ST8SIA3: variants seen among roughly 807,000 people sequenced by gnomAD.
ST8SIA3 encodes the protein ST8 alpha-N-acetyl-neuraminide alpha-2,8-sialyltransferase 3, also known as alpha-N-acetylneuraminate alpha-2,8-sialyltransferase ST8SIA3.
A neutral mutation model predicts 34.5 loss-of-function variants in ST8SIA3; 17 were observed. The observed-to-expected ratio is 0.49, with a 90% CI of 0.34 to 0.74. The LOEUF (loss-of-function observed/expected upper bound fraction) is 0.74. Among genes scored for constraint, ST8SIA3 ranks in the 30% least tolerant of loss-of-function variants. The pLI, the probability that ST8SIA3 is intolerant of heterozygous loss-of-function variation, is 0.01. For missense variants in ST8SIA3, 354 were observed against 467.8 expected, an observed-to-expected ratio of 0.76 and a Z score of 2.24; for synonymous variants, 172 against 176.1, an observed-to-expected ratio of 0.98 and a Z score of 0.19.
intron 1 of ST8SIA3, among the ~76,000 whole-genome samples, chr18:57,353,295 G>A (rs1268201932): frequency 6.6e-6 from 1 of 152,134 alleles, no homozygotes; most frequent in Non-Finnish European, 1.5e-5. Context: ...TCAGAAATGG[G>A]GGTTGGGGGA....
Position 57,365,938 on chromosome 18 carries a change from T to C in ST8SIA3, c.*5661T>C, listed in dbSNP as rs2049858133. 6.6e-6 allele frequency: 1 copy of C among 152,248 alleles called. No homozygotes were observed. The highest frequency in any genetic ancestry group is 1.5e-5 in the Non-Finnish European group (1 of 68,040). 9.4% of individuals were successfully genotyped at this position (152,248 alleles called of 1,614,324 possible). A position where few individuals can be genotyped will look rare whatever the true frequency, so the allele number is the denominator to read the frequency against. ...CTCAGACAGTTTTAGCTCTTTGGTG[T>C]GCTGCCAAATGTTTAACAACTGGCT... On this transcript the variant is annotated 3_prime_UTR_variant, in exon 4 of 4. Transcript: ENST00000324000.
Position 57,360,429 on chromosome 18 carries a change from A to G in ST8SIA3, c.*152A>G. On this transcript the variant is annotated 3_prime_UTR_variant, in exon 4 of 4. Coordinates refer to ENST00000324000, the MANE Select transcript of ST8SIA3 (RefSeq NM_015879.3). ...TTTTCTCTTTTGCACTGCTCTTTTA[A>G]GAGTTTTAGCAGATTTAGCAGGACA... 1.3e-6 allele frequency: 1 copy of G among 791,902 alleles called. No homozygotes were observed. Among genetic ancestry groups the G allele is most frequent in the Admixed American group, 2.9e-5 (1 of 34,394 alleles). The allele number at this position is 791,902 out of a possible 1,614,324, so 49.1% of individuals were successfully genotyped here.
rs755824462 is a variant in ST8SIA3, at chr18:57,352,807, A to T, written c.-40A>T. 11 of 1,587,598 alleles carry T rather than the reference A, an allele frequency of 6.9e-6. No homozygotes were observed. Among genetic ancestry groups the T allele is most frequent in the Middle Eastern group, 1.7e-4 (1 of 6,002 alleles). On this transcript the variant is annotated 5_prime_UTR_variant, in exon 1 of 4. Transcript: ENST00000324000. The stretch of plus-strand genomic sequence containing the variant: ...CAGCGAGCTGCTGGCCGCTCAATGG[A>T]CCGATTTCCCCGGTTTCCCTGAACC...
In ST8SIA3 at chr18:57,367,585, TAGGGAAGAAAATTGGC is replaced by T. The variant is rs1598906433; in HGVS notation, c.*7320_*7335del. 6.6e-6 allele frequency: 1 copy of T among 152,408 alleles called. No homozygotes were observed. Among genetic ancestry groups the T allele is most frequent in the South Asian group, 2.1e-4 (1 of 4,822 alleles). The allele number at this position is 152,408 out of a possible 1,614,324, so 9.4% of individuals were successfully genotyped here. A position where few individuals can be genotyped will look rare whatever the true frequency, so the allele number is the denominator to read the frequency against. On this transcript the variant is annotated 3_prime_UTR_variant, in exon 4 of 4. Coordinates refer to ENST00000324000, the MANE Select transcript of ST8SIA3 (RefSeq NM_015879.3). ...GCCACTCCCATAGCATTTTTAGTCT[TAGGGAAGAAAATTGGC>T]AGGGAAGAAAAATTGGCAGACAATG...
chr18:57,354,227 T>C (rs1200343413), intron 1 of ST8SIA3, among the ~76,000 whole-genome samples, 175 bp from the exon 2 acceptor site: 1 of 152,172 alleles, frequency 6.6e-6, no homozygotes, highest in Non-Finnish European at 1.5e-5. Context: ...AGTTTTCTTT[T>C]TTTCTCTCGG....
intron 2 of ST8SIA3, 80 bp downstream of exon 2, chr18:57,354,604 C>G: frequency 1.3e-6 from 2 of 1,550,854 alleles, no homozygotes; most frequent in Non-Finnish European, 1.8e-6. Flanking sequence ...AACAAGCAAA[C>G]AAAAACATCT....
intron 2 of ST8SIA3, among the ~76,000 whole-genome samples, chr18:57,356,147 T>C (rs187547311): frequency 5.3e-5 from 8 of 152,328 alleles, no homozygotes; most frequent in African/African-American, 1.9e-4. Context: ...AAGCTCAATA[T>C]GAAAGCAACG....
chr18:57,357,840 C>A (rs979932054), intron 3 of ST8SIA3, among the ~76,000 whole-genome samples: 4 of 152,120 alleles, frequency 2.6e-5, no homozygotes, highest in African/African-American at 9.7e-5. Flanking sequence ...AGAGACAAAT[C>A]AAGTGGTTTT....
chr18:57,353,163 C>G, intron 1 of ST8SIA3, 138 bp downstream of exon 1: 3 of 757,450 alleles, frequency 4.0e-6, no homozygotes, highest in Non-Finnish European at 4.2e-6. Flanking sequence ...TTCCACTCCT[C>G]TCTCTAATTC....
rs201032971 is a variant in ST8SIA3 at position 57,357,044 on chromosome 18, G to T, written c.434G>T (p.Arg145Leu). Residue 145 changes from arginine (R) to leucine (L), a missense_variant, in exon 3 of 4, where the codon CGG becomes CTG. This residue lies in a region of ST8SIA3 where 184 missense variants were observed against 205.4 expected (regional missense o/e 0.90). Coordinates refer to ENST00000324000, the MANE Select transcript of ST8SIA3 (RefSeq NM_015879.3). ...KYVFSISNNF[R>L]SLLPDVSPIM... ...GTTTTCTCTATTAGCAATAACTTCC[G>T]GTCACTTCTTCCAGATGTGTCACCC... The T allele has an allele frequency of 1.2e-6, 2 of 1,613,838 alleles. No homozygotes were observed. The highest frequency in any genetic ancestry group is 1.3e-5 in the African/African-American group (1 of 74,870).
In ST8SIA3 at chr18:57,352,574, C is replaced by A; in HGVS notation, c.-273C>A. Reference sequence around the variant, plus strand: ...TGCGCGCTCCTTCGCCACGCCGCCGCGCAGCCCCTCCATCTTCCTGCTCGG... The same window carrying A: ...TGCGCGCTCCTTCGCCACGCCGCCGAGCAGCCCCTCCATCTTCCTGCTCGG... On this transcript the variant is annotated 5_prime_UTR_variant, in exon 1 of 4. Coordinates refer to ENST00000324000, the MANE Select transcript of ST8SIA3 (RefSeq NM_015879.3). 1 of 441,662 alleles carries A rather than the reference C, an allele frequency of 2.3e-6. No homozygotes were observed. The allele number at this position is 441,662 out of a possible 1,614,324, so 27.4% of individuals were successfully genotyped here. A position where few individuals can be genotyped will look rare whatever the true frequency, so the allele number is the denominator to read the frequency against.
In ST8SIA3 at chr18:57,352,566, C is replaced by T; in HGVS notation, c.-281C>T. On this transcript the variant is annotated 5_prime_UTR_variant, in exon 1 of 4. It adds an upstream start codon to the 5' untranslated region. Coordinates refer to ENST00000324000, the MANE Select transcript of ST8SIA3 (RefSeq NM_015879.3). Reference sequence around the variant, plus strand: ...CACGGCGCTGCGCGCTCCTTCGCCACGCCGCCGCGCAGCCCCTCCATCTTC... The same window carrying T: ...CACGGCGCTGCGCGCTCCTTCGCCATGCCGCCGCGCAGCCCCTCCATCTTC... 1 of 406,626 alleles carries T rather than the reference C, an allele frequency of 2.5e-6. No individual in the cohort carries two copies. The highest frequency in any genetic ancestry group is 4.2e-5 in the Admixed American group (1 of 23,626). The allele number at this position is 406,626 out of a possible 1,614,324, so 25.2% of individuals were successfully genotyped here. A position where few individuals can be genotyped will look rare whatever the true frequency, so the allele number is the denominator to read the frequency against.
intron 2 of ST8SIA3, among the ~76,000 whole-genome samples, chr18:57,356,700 C>T (rs1187423750): frequency 6.6e-6 from 1 of 152,140 alleles, no homozygotes; most frequent in African/African-American, 2.4e-5. Context: ...ATTTACAAGC[C>T]TCAAAGAATA....
In ST8SIA3 at chr18:57,364,430, A is replaced by G. The variant is rs2049849060; in HGVS notation, c.*4153A>G. ...GTTCAATATGCTAAGAAGATATACA[A>G]ATAATAATAACTTCGTGAGTCTTCA... On this transcript the variant is annotated 3_prime_UTR_variant, in exon 4 of 4. Transcript: ENST00000324000. 1 of 152,250 alleles carries G rather than the reference A, an allele frequency of 6.6e-6. No homozygotes were observed. Among genetic ancestry groups the G allele is most frequent in the African/African-American group, 2.4e-5 (1 of 41,468 alleles). 9.4% of individuals were successfully genotyped at this position (152,250 alleles called of 1,614,324 possible).
intron 1 of ST8SIA3, among the ~76,000 whole-genome samples, chr18:57,353,739 A>G (rs1474679768): frequency 6.6e-6 from 1 of 152,080 alleles, no homozygotes; most frequent in Non-Finnish European, 1.5e-5. Flanking sequence ...GCTCTGCGAG[A>G]GCCCCCGCCC....
Position 57,359,920 on chromosome 18 carries a change from C to T in ST8SIA3, c.861-75C>T, listed in dbSNP as rs572913796. The T allele has an allele frequency of 4.5e-6, 6 of 1,334,538 alleles. No homozygotes were observed. The South Asian group carries it at 6.8e-5, about 15-fold the overall frequency. 82.7% of individuals were successfully genotyped at this position (1,334,538 alleles called of 1,614,324 possible). A position where few individuals can be genotyped will look rare whatever the true frequency, so the allele number is the denominator to read the frequency against. On this transcript the variant is annotated intron_variant, in intron 3 of 3. Coordinates refer to ENST00000324000, the MANE Select transcript of ST8SIA3 (RefSeq NM_015879.3). ...TTACAGTAACAAATCCACTACCCAG[C>T]CCAGTCAGATAGACCTTGCTGATTG...
At chr18:57,355,139 G>C (rs186626606) in intron 2 of ST8SIA3, among the ~76,000 whole-genome samples, 1 of 152,060 alleles carries the variant, frequency 6.6e-6, no homozygotes, top group Non-Finnish European at 1.5e-5. Flanking sequence ...TAATTGTAGC[G>C]GTTTCATTTT....
chr18:57,357,904 G>A (rs992143329), intron 3 of ST8SIA3, among the ~76,000 whole-genome samples: 1 of 152,212 alleles, frequency 6.6e-6, no homozygotes, highest in African/African-American at 2.4e-5. Context: ...GATGTCCAAG[G>A]TTAGCAAAAC....
At position 57,352,732 on chromosome 18, in the gene ST8SIA3, T is replaced by TCACA. The variant is rs59006823; in HGVS notation, c.-80_-77dup. On this transcript the variant is annotated 5_prime_UTR_variant, in exon 1 of 4. Coordinates refer to ENST00000324000, the MANE Select transcript of ST8SIA3 (RefSeq NM_015879.3). ...CCTCCTCCGCCACACGCGCGCGCGC[T>TCACA]CACACACACACACACACACACACAC... 79,861 of 385,194 alleles carry TCACA rather than the reference T, an allele frequency of 0.21. 4,077 individuals carry two copies. Among genetic ancestry groups the TCACA allele is most frequent in the Non-Finnish European group, 0.23 (46,320 of 199,850 alleles). 23.9% of individuals were successfully genotyped at this position (385,194 alleles called of 1,614,324 possible).
Sources: allele counts gnomAD v4.1 joint callset (sites outside exome capture counted in the v4.1 genomes callset), GRCh38; gene constraint gnomAD v4.1.1; regional missense constraint gnomAD v4.1.1; transcripts MANE v1.5; gene names NCBI Gene and HGNC (gene_info 2026-07-23, HGNC 2026-07-21).